Variants in ARHGAP24 observed in about 807,000 individuals in gnomAD.
ARHGAP24 encodes rho GTPase-activating protein 24.
A neutral mutation model predicts 76.4 loss-of-function variants in ARHGAP24; 50 were observed. That is an observed-to-expected ratio of 0.65 (90% CI 0.52 to 0.83). The LOEUF is 0.83. Ranked by LOEUF, ARHGAP24 falls within the 40% of genes least tolerant of loss-of-function variation. ARHGAP24 has a pLI of 0.00. For missense variants in ARHGAP24, 930 were observed against 914.2 expected (o/e 1.02, Z -0.22); for synonymous variants, 345 against 323.3 (o/e 1.07, Z -0.72).
chr4:85,555,563 A>T (rs1726323340), intron 1 of ARHGAP24, among the ~76,000 whole-genome samples: 1 of 152,104 alleles, frequency 6.6e-6, no homozygotes, highest in Non-Finnish European at 1.5e-5. Context: ...GTGCTCTAAG[A>T]GTGTGGAATC....
intron 2 of ARHGAP24, among the ~76,000 whole-genome samples, chr4:85,590,769 A>G (rs6811312): frequency 0.08 from 12,132 of 151,870 alleles, 1,662 homozygotes; most frequent in African/African-American, 0.28. Context: ...ACTACTGAAA[A>G]CTCCCCAAAA....
At chr4:85,990,103 C>T (rs1246045909) in intron 8 of ARHGAP24, 1 of 151,690 alleles carries the variant, frequency 6.6e-6, no homozygotes, top group East Asian at 1.9e-4. Context: ...ATAAAGATCA[C>T]ATAAAGCACA....
chr4:85,895,265 G>A (rs1452760208), intron 3 of ARHGAP24, among the ~76,000 whole-genome samples: 3 of 152,080 alleles, frequency 2.0e-5, no homozygotes, highest in Admixed American at 6.6e-5. Flanking sequence ...TAAAAATAAA[G>A]GACATAGTTT....
intron 1 of ARHGAP24, among the ~76,000 whole-genome samples, chr4:85,557,521 G>T (rs965863403): frequency 6.6e-6 from 1 of 152,144 alleles, no homozygotes; most frequent in Non-Finnish European, 1.5e-5. Flanking sequence ...CCCCAGTGTG[G>T]TGACTCCCCT....
chr4:85,775,622 T>A (rs147897455), intron 3 of ARHGAP24, among the ~76,000 whole-genome samples: 23 of 152,248 alleles, frequency 1.5e-4, no homozygotes, highest in African/African-American at 5.5e-4. Context: ...CCACAACACC[T>A]GGGAATTATG....
At chr4:85,733,000 A>C (rs1725465671) in intron 3 of ARHGAP24, among the ~76,000 whole-genome samples, 1 of 138,072 alleles carries the variant, frequency 7.2e-6, no homozygotes, top group Non-Finnish European at 1.6e-5. Context: ...GCCCGACCTC[A>C]AACTTCTATA....
chr4:85,965,062 G>A (rs746667324), intron 5 of ARHGAP24, among the ~76,000 whole-genome samples: 1 of 152,068 alleles, frequency 6.6e-6, no homozygotes, highest in African/African-American at 2.4e-5. Flanking sequence ...GTAAAGCTGG[G>A]CACTATATTA....
intron 2 of ARHGAP24, chr4:85,686,633 T>C (rs1011229522): frequency 3.9e-5 from 6 of 152,142 alleles, no homozygotes; most frequent in African/African-American, 1.4e-4. Context: ...TGCTCTCTCT[T>C]TGTGAAGAAG....
chr4:85,787,153 C>T (rs1393531835), intron 3 of ARHGAP24, among the ~76,000 whole-genome samples: 3 of 152,152 alleles, frequency 2.0e-5, no homozygotes, highest in Non-Finnish European at 2.9e-5. Flanking sequence ...CCCGGCCTGT[C>T]GCAGTGGACA....
At chr4:85,544,814 A>G (rs968241672) in intron 1 of ARHGAP24, among the ~76,000 whole-genome samples, 6 of 152,122 alleles carry the variant, frequency 3.9e-5, no homozygotes, top group African/African-American at 1.4e-4. Context: ...CCTGCCTTTC[A>G]TCTTTCTCAG....
chr4:85,540,526 T>C (rs1396509495), intron 1 of ARHGAP24, among the ~76,000 whole-genome samples: 1 of 152,232 alleles, frequency 6.6e-6, no homozygotes, highest in Non-Finnish European at 1.5e-5. Flanking sequence ...TGGAGCATAG[T>C]TTACTACAAC....
chr4:85,491,739 G>C (rs1041274958), intron 1 of ARHGAP24, among the ~76,000 whole-genome samples: 7 of 152,132 alleles, frequency 4.6e-5, no homozygotes, highest in Non-Finnish European at 1.0e-4. Context: ...CAAGTGTCTT[G>C]TGATGAGAAC....
intron 2 of ARHGAP24, among the ~76,000 whole-genome samples, chr4:85,667,789 A>G (rs186607709): frequency 9.3e-4 from 142 of 152,326 alleles, no homozygotes; most frequent in African/African-American, 3.1e-3. Flanking sequence ...ATAAAAATCT[A>G]TTGGATACAA....
chr4:85,870,400 T>C (rs1732457262), intron 3 of ARHGAP24, among the ~76,000 whole-genome samples: 1 of 152,190 alleles, frequency 6.6e-6, no homozygotes, highest in Non-Finnish European at 1.5e-5. Context: ...ACCTCAGTTG[T>C]TAATTTTGCT....
At chr4:85,944,763 C>T (rs1172356985) in intron 5 of ARHGAP24, among the ~76,000 whole-genome samples, 1 of 152,188 alleles carries the variant, frequency 6.6e-6, no homozygotes, top group Non-Finnish European at 1.5e-5. Context: ...ATCATGAAAT[C>T]AGAATGCAAA....
chr4:85,997,512 G>A (rs910010630), intron 9 of ARHGAP24, among the ~76,000 whole-genome samples: 2 of 152,108 alleles, frequency 1.3e-5, no homozygotes, highest in African/African-American at 4.8e-5. Flanking sequence ...TAGGTAGGTA[G>A]GTAAATAGGT....
intron 3 of ARHGAP24, among the ~76,000 whole-genome samples, chr4:85,829,544 T>C (rs1024439910): frequency 6.6e-6 from 1 of 152,210 alleles, no homozygotes; most frequent in African/African-American, 2.4e-5. Context: ...ATGCTTTCTA[T>C]GCGAGTTAAG....
chr4:85,907,798 G>A (rs1191341840), intron 3 of ARHGAP24, among the ~76,000 whole-genome samples: 1 of 152,088 alleles, frequency 6.6e-6, no homozygotes, highest in African/African-American at 2.4e-5. Flanking sequence ...ATATATTATT[G>A]TTTAAGATGA....
At chr4:85,568,450 C>T (rs558733035) in intron 1 of ARHGAP24, among the ~76,000 whole-genome samples, 3 of 152,070 alleles carry the variant, frequency 2.0e-5, no homozygotes, top group African/African-American at 7.2e-5. Context: ...GTTTAAATAC[C>T]AGGAGATGAA....
Sources: gnomAD v4.1 joint callset for allele counts (sites outside exome capture counted in the v4.1 genomes callset) on GRCh38, gnomAD v4.1.1 for gene constraint, MANE v1.5 for transcripts, NCBI Gene and HGNC (gene_info 2026-07-23, HGNC 2026-07-21) for gene names.